The following SNX29 variants were observed in gnomAD, a reference collection of about 807,000 sequenced individuals.
SNX29 encodes sorting nexin 29.
A neutral mutation model predicts 102.1 loss-of-function variants in SNX29; 78 were observed. That is an observed-to-expected ratio of 0.76 (90% CI 0.64 to 0.92). The LOEUF (loss-of-function observed/expected upper bound fraction) is 0.92, where lower values mean the gene tolerates loss of function less well. Among genes scored for constraint, SNX29 ranks in the 40% least tolerant of loss-of-function variants. SNX29 has a pLI of 0.00. For missense variants in SNX29, 1,280 were observed against 1,061.7 expected (o/e 1.21, Z -2.86); for synonymous variants, 580 against 414.5 (o/e 1.40, Z -4.85).
intron 13 of SNX29, among the ~76,000 whole-genome samples, 163 bp downstream of exon 13, chr16:12,129,921 A>C (rs974817682): frequency 6.0e-5 from 9 of 149,280 alleles, no homozygotes; most frequent in Non-Finnish European, 1.0e-4. Context: ...TGGCTAACAC[A>C]GTGAAACCCC....
At chr16:12,492,149 G>C (rs1364638792) in intron 19 of SNX29, among the ~76,000 whole-genome samples, 2 of 152,230 alleles carry the variant, frequency 1.3e-5, no homozygotes, top group African/African-American at 2.4e-5. Flanking sequence ...CCCACCAACA[G>C]TGTAAAAGTG....
chr16:12,541,334 G>A (rs939169437), intron 20 of SNX29, among the ~76,000 whole-genome samples: 14 of 152,156 alleles, frequency 9.2e-5, no homozygotes, highest in Non-Finnish European at 1.6e-4. Context: ...CTGAGTGCCA[G>A]AATTACCTTC....
chr16:12,380,826 T>C (rs1261343723), intron 16 of SNX29, among the ~76,000 whole-genome samples: 3 of 43,416 alleles, frequency 6.9e-5, no homozygotes, highest in African/African-American at 8.8e-5. Context: ...CCGCCATCCA[T>C]CCACCCACCC....
intron 14 of SNX29, among the ~76,000 whole-genome samples, chr16:12,226,653 A>C (rs1211138244): frequency 1.3e-5 from 2 of 149,260 alleles, no homozygotes; most frequent in African/African-American, 4.9e-5. Flanking sequence ...GGCTCACTGC[A>C]ACCTCTGCCT....
intron 14 of SNX29, among the ~76,000 whole-genome samples, chr16:12,253,539 C>T (rs1179519478): frequency 6.6e-6 from 1 of 152,066 alleles, no homozygotes; most frequent in Non-Finnish European, 1.5e-5. Context: ...GTTGAGAAGG[C>T]GTTGCCTGAG....
intron 14 of SNX29, among the ~76,000 whole-genome samples, chr16:12,226,022 A>G (rs1474628328): frequency 6.6e-6 from 1 of 152,216 alleles, no homozygotes; most frequent in Non-Finnish European, 1.5e-5. Context: ...GCAAATTCAT[A>G]CAAGGTACTA....
chr16:12,175,854 A>T (rs982621406), intron 13 of SNX29, among the ~76,000 whole-genome samples: 36 of 150,186 alleles, frequency 2.4e-4, no homozygotes, highest in African/African-American at 7.3e-4. Context: ...AAAAATAATT[A>T]AAAAAAAAAT....
intron 16 of SNX29, chr16:12,372,916 TG>T (rs1441537589): frequency 6.6e-6 from 1 of 152,220 alleles, no homozygotes; most frequent in Non-Finnish European, 1.5e-5. Context: ...ACAGGTATAC[TG>T]GCACTTATTA....
At chr16:12,038,156 A>G (rs3862463) in intron 4 of SNX29, among the ~76,000 whole-genome samples, 10 of 152,252 alleles carry the variant, frequency 6.6e-5, no homozygotes, top group African/African-American at 2.2e-4. Flanking sequence ...ATGTATTCCT[A>G]TTTCTCATTT....
chr16:12,097,353 T>A (rs1038291743), intron 11 of SNX29, among the ~76,000 whole-genome samples: 1 of 152,152 alleles, frequency 6.6e-6, no homozygotes, highest in African/African-American at 2.4e-5. Flanking sequence ...ATGTTTTAGC[T>A]TCACCTGGAG....
intron 18 of SNX29, among the ~76,000 whole-genome samples, chr16:12,442,838 CCCATCTCAG>C (rs1319464468): frequency 2.0e-5 from 3 of 152,198 alleles, no homozygotes; most frequent in Non-Finnish European, 4.4e-5. Flanking sequence ...AAGCCGTCCT[CCCATCTCAG>C]CCTCACAAGT....
chr16:12,037,586 G>A (rs2057511801), intron 4 of SNX29, among the ~76,000 whole-genome samples: 1 of 152,144 alleles, frequency 6.6e-6, no homozygotes, highest in African/African-American at 2.4e-5. Flanking sequence ...GCAGTAGGGG[G>A]AGGTTAGGAT....
At chr16:12,075,416 G>T (rs1002404725) in intron 10 of SNX29, among the ~76,000 whole-genome samples, 1 of 152,192 alleles carries the variant, frequency 6.6e-6, no homozygotes, top group African/African-American at 2.4e-5. Flanking sequence ...GTTGGAGTTT[G>T]CTAGAGGTCC....
intron 15 of SNX29, among the ~76,000 whole-genome samples, chr16:12,288,536 C>T (rs774957358): frequency 2.6e-5 from 4 of 152,128 alleles, no homozygotes; most frequent in Admixed American, 6.5e-5. Flanking sequence ...TTTTCTTCTA[C>T]CTCCAGCTTG....
At position 12,398,510 on chromosome 16, in the gene SNX29, A is replaced by G. The variant is rs2083804262; in HGVS notation, c.1955+9A>G. 1.2e-6 allele frequency: 2 copies of G among 1,613,846 alleles called. No homozygotes were observed. The highest frequency in any genetic ancestry group is 2.7e-5 in the African/African-American group (2 of 74,894). The stretch of plus-strand genomic sequence containing the variant: ...TTGTCGGATTTTGAAATGTAAGTCC[A>G]CAGCCTGTGCTCACAAGGGGTCCTT... On this transcript the variant is annotated intron_variant, in intron 17 of 20. Transcript: ENST00000566228.
intron 19 of SNX29, among the ~76,000 whole-genome samples, chr16:12,510,304 G>A (rs2089556600): frequency 6.6e-6 from 1 of 152,200 alleles, no homozygotes; most frequent in Non-Finnish European, 1.5e-5. Flanking sequence ...GATGGATACA[G>A]GGATGAGGTG....
intron 19 of SNX29, among the ~76,000 whole-genome samples, chr16:12,516,394 T>A (rs1366181826): frequency 1.3e-5 from 2 of 150,564 alleles, no homozygotes; most frequent in African/African-American, 4.9e-5. Flanking sequence ...GCAGGAGGAT[T>A]GCTTGAGCCT....
At position 12,129,625 on chromosome 16, in the gene SNX29, C is replaced by G; in HGVS notation, c.1467-5C>G. 3 of 1,607,986 alleles carry G rather than the reference C, an allele frequency of 1.9e-6. No individual in the cohort carries two copies. In the South Asian group the frequency reaches 3.3e-5, roughly 18 times the overall value. ...TTCTGAACAGATGGGTCCCTCTCTT[C>G]CCAGATCACTGCGAAACCTGCTCGA... On this transcript the variant is annotated splice_polypyrimidine_tract_variant and splice_region_variant and intron_variant, in intron 12 of 20. Transcript: ENST00000566228.
At chr16:12,087,784 C>T (rs930123698) in intron 11 of SNX29, 23 of 449,340 alleles carry the variant, frequency 5.1e-5, no homozygotes, top group Non-Finnish European at 1.0e-4. Context: ...CACAGCCAAA[C>T]TTCTGGGGCT....
Sources: gnomAD v4.1 joint callset for allele counts (sites outside exome capture counted in the v4.1 genomes callset) on GRCh38, gnomAD v4.1.1 for gene constraint, MANE v1.5 for transcripts, NCBI Gene and HGNC (gene_info 2026-07-23, HGNC 2026-07-21) for gene names.